The following LRMDA variants were observed in gnomAD, a reference collection of about 807,000 sequenced individuals.
LRMDA encodes leucine-rich melanocyte differentiation-associated protein.
LRMDA carries 18 observed loss-of-function variants against 29.8 expected under a neutral mutation model. The ratio of observed to expected loss-of-function variants is 0.60; its 90% CI spans 0.42 to 0.90. The LOEUF (loss-of-function observed/expected upper bound fraction) is 0.90, where lower values mean the gene tolerates loss of function less well. Ranked by LOEUF, LRMDA falls within the 40% of genes least tolerant of loss-of-function variation. The pLI, the probability that LRMDA is intolerant of heterozygous loss-of-function variation, is 0.00. For synonymous variants in LRMDA, 125 were observed against 109.4 expected, an observed-to-expected ratio of 1.14 and a Z score of -0.89; for missense variants, 273 against 273.9, an observed-to-expected ratio of 1.00 and a Z score of 0.02.
At chr10:76,187,708 A>G (rs538160599) in intron 5 of LRMDA, among the ~76,000 whole-genome samples, 135 of 152,286 alleles carry the variant, frequency 8.9e-4, no homozygotes, top group Non-Finnish European at 1.3e-3. Flanking sequence ...GAAGTGGGGC[A>G]TGAACCTGCC....
At chr10:75,753,115 T>G (rs1842987169) in intron 2 of LRMDA, among the ~76,000 whole-genome samples, 1 of 152,144 alleles carries the variant, frequency 6.6e-6, no homozygotes, top group African/African-American at 2.4e-5. Flanking sequence ...AAATGGGTGT[T>G]GTTGCAAGTT....
intron 2 of LRMDA, among the ~76,000 whole-genome samples, chr10:75,863,937 A>G (rs1421036875): frequency 6.6e-6 from 1 of 152,160 alleles, no homozygotes; most frequent in Admixed American, 6.5e-5. Flanking sequence ...GCCATTAGCT[A>G]GCTTCTAAGG....
intron 2 of LRMDA, among the ~76,000 whole-genome samples, chr10:75,641,610 A>T (rs114454280): frequency 0.021 from 3,162 of 149,880 alleles, 93 homozygotes; most frequent in African/African-American, 0.068. Context: ...TTTAAAAAAA[A>T]TTTTTTTTTT....
At chr10:76,480,805 A>T (rs1842726199) in intron 6 of LRMDA, among the ~76,000 whole-genome samples, 1 of 152,006 alleles carries the variant, frequency 6.6e-6, no homozygotes, top group Non-Finnish European at 1.5e-5. Flanking sequence ...CTCTTTCAAA[A>T]GGACTTCAAC....
At chr10:76,500,076 G>A (rs1442956339) in intron 6 of LRMDA, among the ~76,000 whole-genome samples, 1 of 74,502 alleles carries the variant, frequency 1.3e-5, no homozygotes, top group East Asian at 2.5e-4. Context: ...ATTTTGTTTT[G>A]TTGCCAAGGC....
chr10:76,381,755 C>A (rs1309184670), intron 6 of LRMDA, among the ~76,000 whole-genome samples: 1 of 152,194 alleles, frequency 6.6e-6, no homozygotes, highest in Admixed American at 6.5e-5. Flanking sequence ...CTAACCTACA[C>A]TCCTGTGTAC....
At chr10:75,998,882 C>G (rs1216720041) in intron 2 of LRMDA, among the ~76,000 whole-genome samples, 2 of 152,188 alleles carry the variant, frequency 1.3e-5, no homozygotes, top group Non-Finnish European at 2.9e-5. Flanking sequence ...AGGACCTTGG[C>G]TGTTCCCTCC....
At chr10:75,729,983 G>C (rs958086821) in intron 2 of LRMDA, among the ~76,000 whole-genome samples, 1 of 152,006 alleles carries the variant, frequency 6.6e-6, no homozygotes, top group African/African-American at 2.4e-5. Context: ...TTTATTTGTA[G>C]AGAAGGAGTC....
At chr10:76,195,714 T>C in intron 5 of LRMDA, among the ~76,000 whole-genome samples, 1 of 151,980 alleles carries the variant, frequency 6.6e-6, no homozygotes, top group Admixed American at 6.5e-5. Flanking sequence ...AGCCGACATA[T>C]TGTTGACTGA....
intron 2 of LRMDA, among the ~76,000 whole-genome samples, chr10:75,822,662 A>G (rs990789865): frequency 1.3e-5 from 2 of 152,166 alleles, no homozygotes; most frequent in Non-Finnish European, 2.9e-5. Context: ...TTACTTACCT[A>G]TAAACAACTG....
intron 6 of LRMDA, among the ~76,000 whole-genome samples, chr10:76,451,670 G>C (rs1053178478): frequency 1.4e-5 from 2 of 147,570 alleles, no homozygotes; most frequent in African/African-American, 5.0e-5. Flanking sequence ...TGTGGAGGAG[G>C]GTGGTGGACA....
chr10:76,110,548 A>G (rs904194118), intron 5 of LRMDA, among the ~76,000 whole-genome samples: 3 of 152,138 alleles, frequency 2.0e-5, no homozygotes, highest in Admixed American at 6.5e-5. Flanking sequence ...CTTGAATTGT[A>G]TCTCTCAGAA....
intron 5 of LRMDA, among the ~76,000 whole-genome samples, chr10:76,144,999 T>C (rs1042889275): frequency 7.9e-5 from 12 of 152,238 alleles, no homozygotes; most frequent in Admixed American, 3.3e-4. Context: ...TTACATTTAT[T>C]GATTTGCATA....
At chr10:75,641,817 G>A (rs1364097460) in intron 2 of LRMDA, among the ~76,000 whole-genome samples, 1 of 152,086 alleles carries the variant, frequency 6.6e-6, no homozygotes, top group African/African-American at 2.4e-5. Flanking sequence ...GGAAGCTGAG[G>A]TGGGAGAATT....
intron 2 of LRMDA, among the ~76,000 whole-genome samples, chr10:75,959,024 A>G: frequency 6.6e-6 from 1 of 152,186 alleles, no homozygotes; most frequent in South Asian, 2.1e-4. Context: ...CTCTCCCACA[A>G]CACATGGTAA....
At chr10:76,436,889 T>A (rs1035891819) in intron 6 of LRMDA, among the ~76,000 whole-genome samples, 1 of 152,138 alleles carries the variant, frequency 6.6e-6, no homozygotes, top group Admixed American at 6.5e-5. Context: ...TAGGGGAGAC[T>A]GCAGCCAGAG....
chr10:75,967,646 TGTG>T (rs1160981431), intron 2 of LRMDA, among the ~76,000 whole-genome samples: 3 of 152,282 alleles, frequency 2.0e-5, no homozygotes, highest in Non-Finnish European at 4.4e-5. Flanking sequence ...CGGGGATGAT[TGTG>T]GTGATGAATT....
chr10:75,657,884 C>T (rs1589148733), intron 2 of LRMDA, among the ~76,000 whole-genome samples: 1 of 151,940 alleles, frequency 6.6e-6, no homozygotes, highest in East Asian at 1.9e-4. Flanking sequence ...TTTTACTGTC[C>T]TTTGGGCTGT....
intron 2 of LRMDA, among the ~76,000 whole-genome samples, chr10:75,906,816 A>G (rs1241138404): frequency 6.6e-6 from 1 of 152,236 alleles, no homozygotes; most frequent in Non-Finnish European, 1.5e-5. Context: ...GAAACACAAG[A>G]TGCTTTACTT....
Sources: gnomAD v4.1 joint callset for allele counts (sites outside exome capture counted in the v4.1 genomes callset) on GRCh38, gnomAD v4.1.1 for gene constraint, MANE v1.5 for transcripts, NCBI Gene and HGNC (gene_info 2026-07-23, HGNC 2026-07-21) for gene names.